MAPT: variants seen among roughly 807,000 people sequenced by gnomAD.
The protein encoded by MAPT is microtubule-associated protein tau.
Under a neutral mutation model 67.9 loss-of-function variants are expected in MAPT, and 34 were observed. That is an observed-to-expected ratio of 0.50 (90% CI 0.38 to 0.67). The LOEUF (loss-of-function observed/expected upper bound fraction) is 0.67. MAPT is among the 30% of genes least tolerant of loss of function. The pLI is 0.00. For missense variants in MAPT, 881 were observed against 1,115.2 expected, an observed-to-expected ratio of 0.79 and a Z score of 2.99; for synonymous variants, 456 against 464.5, an observed-to-expected ratio of 0.98 and a Z score of 0.23.
At position 46,024,398 on chromosome 17, in the gene MAPT, A is replaced by T; in HGVS notation, c.*227A>T. 1 of 591,448 alleles carries T rather than the reference A, an allele frequency of 1.7e-6. No individual in the cohort carries two copies. Among genetic ancestry groups the T allele is most frequent in the South Asian group, 2.0e-5 (1 of 48,854 alleles). The allele number at this position is 591,448 out of a possible 1,614,324, so 36.6% of individuals were successfully genotyped here. ...ATCTTTCCAAATTGATGGGTGGGCT[A>T]GTAATAAAATATTTAAAAAAAAACA... On this transcript the variant is annotated 3_prime_UTR_variant, in exon 13 of 13. Coordinates refer to ENST00000262410, the MANE Select transcript of MAPT (RefSeq NM_001377265.1).
intron 4 of MAPT, among the ~76,000 whole-genome samples, chr17:45,982,006 G>A (rs1298508265): frequency 1.4e-5 from 2 of 138,846 alleles, no homozygotes; most frequent in African/African-American, 2.7e-5. Context: ...GTGACAGAAC[G>A]AGACCCTGTC....
At chr17:46,000,854 C>G (rs2074942355) in intron 9 of MAPT, among the ~76,000 whole-genome samples, 1 of 152,266 alleles carries the variant, frequency 6.6e-6, no homozygotes, top group African/African-American at 2.4e-5. Context: ...CCCACATCCC[C>G]TTTGCCAAGC....
intron 2 of MAPT, among the ~76,000 whole-genome samples, chr17:45,968,661 C>T (rs1395644022): frequency 6.6e-6 from 1 of 152,236 alleles, no homozygotes; most frequent in African/African-American, 2.4e-5. Context: ...TGTCAGCTAT[C>T]TGCTAGGGGC....
In MAPT at chr17:46,025,517, TCTCA is replaced by T. The variant is rs1331390124; in HGVS notation, c.*1350_*1353del. 6.5e-6 allele frequency: 1 copy of T among 152,754 alleles called. No individual in the cohort carries two copies. Among genetic ancestry groups the T allele is most frequent in the African/African-American group, 2.4e-5 (1 of 41,450 alleles). 9.5% of individuals were successfully genotyped at this position (152,754 alleles called of 1,614,324 possible). ...CAGGCACAAGAGTGGGACCCCAGCC[TCTCA>T]CTCTCAGTTCCACTCATCCAACTGG... On this transcript the variant is annotated 3_prime_UTR_variant, in exon 13 of 13. Coordinates refer to ENST00000262410, the MANE Select transcript of MAPT (RefSeq NM_001377265.1).
At chr17:45,989,731 T>G in intron 6 of MAPT, 147 bp from the exon 7 acceptor site, 6 of 715,810 alleles carry the variant, frequency 8.4e-6, no homozygotes, top group Non-Finnish European at 1.5e-5. Flanking sequence ...GAAGGGATAT[T>G]AAGGGTACCT....
At chr17:45,970,253 C>T (rs2071525673) in intron 2 of MAPT, among the ~76,000 whole-genome samples, 1 of 152,228 alleles carries the variant, frequency 6.6e-6, no homozygotes. Flanking sequence ...CACATTCATA[C>T]ACCCACCTAA....
At chr17:45,982,018 CA>C (rs1264327504) in intron 4 of MAPT, among the ~76,000 whole-genome samples, 1,947 of 84,638 alleles carry the variant, frequency 0.023, 35 homozygotes, top group African/African-American at 0.072. Context: ...GACCCTGTCT[CA>C]AAAAAAAAAA....
Position 45,996,695 on chromosome 17 carries a change from G to T in MAPT, c.1998+31G>T, listed in dbSNP as rs200589381. 55 of 1,610,588 alleles carry T rather than the reference G, an allele frequency of 3.4e-5. No individual in the cohort carries two copies. In the African/African-American group the frequency reaches 6.4e-4, roughly 19 times the overall value. ...AGTGGCTGGCTGCGCGTGGAGGTGT[G>T]GGGGGCTGCGCCTGGAGGGGTAGGG... On this transcript the variant is annotated intron_variant, in intron 9 of 12. Coordinates refer to ENST00000262410, the MANE Select transcript of MAPT (RefSeq NM_001377265.1). This position sits in a 1 kb window ranked among gnomAD's most constrained non-coding sequence, Gnocchi z 4.5.
At chr17:45,991,722 T>A in intron 8 of MAPT, 136 bp downstream of exon 8, 1 of 1,140,254 alleles carries the variant, frequency 8.8e-7, no homozygotes, top group Non-Finnish European at 1.3e-6. Context: ...TACTAAGCAC[T>A]GGAGTCTTCA....
At chr17:45,993,899 G>A in intron 8 of MAPT, 1 of 1,556,894 alleles carries the variant, frequency 6.4e-7, no homozygotes, top group East Asian at 2.4e-5. Flanking sequence ...TGATAATAAG[G>A]CTTTCGTGGA....
intron 1 of MAPT, among the ~76,000 whole-genome samples, chr17:45,935,602 A>G (rs2067249119): frequency 6.6e-6 from 1 of 152,108 alleles, no homozygotes; most frequent in African/African-American, 2.4e-5. Context: ...ATGGTTCCTT[A>G]GGGAGCCGGT....
chr17:46,017,561 C>A (rs910323184), intron 11 of MAPT, among the ~76,000 whole-genome samples: 2 of 146,502 alleles, frequency 1.4e-5, no homozygotes, highest in Admixed American at 1.4e-4. Context: ...TCAAGCAATT[C>A]TCCTGTCTCA....
Position 45,995,284 on chromosome 17 carries a change from C to CGG in MAPT, c.1733-1114_1733-1113dup, listed in dbSNP as rs370216281. ...GACTGCAGGGGAGCTAAGCACACCT[C>CGG]GGCACAGGGTGAGGCCTGCGGTTCT... is the stretch of plus-strand genomic sequence containing the variant. On this transcript the variant is annotated intron_variant, in intron 8 of 12. Transcript: ENST00000262410. The surrounding 1 kb of genome is among the most constrained non-coding windows in gnomAD (Gnocchi z 4.3). 1.8e-4 allele frequency among the ~76,000 whole-genome samples: 28 copies of CGG among 152,274 alleles called. No individual in the cohort carries two copies. The highest frequency in any genetic ancestry group is 6.7e-4 in the African/African-American group (28 of 41,566).
intron 1 of MAPT, among the ~76,000 whole-genome samples, chr17:45,951,616 G>C (rs530045390): frequency 3.3e-5 from 5 of 152,008 alleles, no homozygotes; most frequent in Admixed American, 3.3e-4. Flanking sequence ...GTCTCCCTAC[G>C]AGGCATGAAT....
chr17:45,952,464 A>C (rs564532728), intron 1 of MAPT, among the ~76,000 whole-genome samples: 3 of 151,942 alleles, frequency 2.0e-5, no homozygotes, highest in Non-Finnish European at 4.4e-5. Context: ...TCATTGAAAA[A>C]CCCATACAAA....
chr17:45,942,602 T>G (rs1377975851), intron 1 of MAPT, among the ~76,000 whole-genome samples: 1 of 152,188 alleles, frequency 6.6e-6, no homozygotes, highest in Non-Finnish European at 1.5e-5. Flanking sequence ...AGACGGGAGC[T>G]GGGGCACTAT....
At chr17:45,914,304 C>G (rs1320081848) in intron 1 of MAPT, among the ~76,000 whole-genome samples, 1 of 131,420 alleles carries the variant, frequency 7.6e-6, no homozygotes, top group Non-Finnish European at 1.8e-5. Context: ...CCTTTGACAG[C>G]ACCTCAGCTT....
rs367626345 is a variant in MAPT at position 45,983,514 on chromosome 17, C to T, written c.935C>T (p.Ala312Val). 2 of 1,612,874 alleles carry T rather than the reference C, an allele frequency of 1.2e-6. No homozygotes were observed. The highest frequency in any genetic ancestry group is 1.1e-5 in the South Asian group (1 of 91,074). Residue 312 changes from alanine to valine, a missense_variant, in exon 5 of 13, where the codon GCC (alanine) becomes GTC (valine). By Grantham distance (64) the Ala-to-Val change is moderately conservative (BLOSUM62 0). Around this residue, in one of 6 missense-constraint regions of MAPT, gnomAD observed 687 missense variants for 766.1 expected, o/e 0.90. Coordinates refer to ENST00000262410, the MANE Select transcript of MAPT (RefSeq NM_001377265.1). ...CCCCAAGACTCCCCTCCCTCCAAGG[C>T]CTCCCCAGCCCAAGATGGGCGGCCT... ...SSPQDSPPSK[A>V]SPAQDGRPPQ...
intron 1 of MAPT, among the ~76,000 whole-genome samples, chr17:45,927,802 C>T (rs2066484963): frequency 6.6e-6 from 1 of 151,772 alleles, no homozygotes; most frequent in Admixed American, 6.6e-5. Flanking sequence ...AGATCGAGAC[C>T]ATCCTGGCTA....
Sources: gnomAD v4.1 joint callset for allele counts (sites outside exome capture counted in the v4.1 genomes callset) on GRCh38, gnomAD v4.1.1 for gene constraint, gnomAD v4.1.1 regional missense constraint, Gnocchi (gnomAD v3.1) non-coding constraint, MANE v1.5 for transcripts, NCBI Gene and HGNC (gene_info 2026-07-23, HGNC 2026-07-21) for gene names.